The following STARD10 variants were observed in gnomAD, a reference collection of about 807,000 sequenced individuals.
STARD10 encodes START domain-containing protein 10.
Under a neutral mutation model 36.0 loss-of-function variants are expected in STARD10, and 24 were observed. The ratio of observed to expected loss-of-function variants is 0.67; its 90% CI spans 0.48 to 0.94. The LOEUF is 0.94. STARD10 is among the 40% of genes least tolerant of loss of function. STARD10 has a pLI of 0.00. For synonymous variants in STARD10, 156 were observed against 161.9 expected (o/e 0.96, Z 0.28); for missense variants, 335 against 396.6 (o/e 0.84, Z 1.32).
Position 72,754,837 on chromosome 11 carries a change from G to A in STARD10, c.*60C>T. On this transcript the variant is annotated 3_prime_UTR_variant, in exon 7 of 7. Transcript: ENST00000334805. ...GGGTGGGGGAGGGGAGAAAGTGCAG[G>A]AGCGGCCGCCGCCCCAGGGCTCGCC... The A allele has an allele frequency of 6.4e-7, 1 of 1,553,976 alleles. No individual in the cohort carries two copies. Among genetic ancestry groups the A allele is most frequent in the African/African-American group, 1.4e-5 (1 of 72,940 alleles).
At chr11:72,760,884 G>A (rs926106452) in intron 2 of STARD10, among the ~76,000 whole-genome samples, 2 of 151,714 alleles carry the variant, frequency 1.3e-5, no homozygotes, top group African/African-American at 4.8e-5. Context: ...AAATGGACAA[G>A]TTTTCTTGTG....
At chr11:72,774,593 A>C (rs1342974059) in intron 2 of STARD10, among the ~76,000 whole-genome samples, 3 of 152,262 alleles carry the variant, frequency 2.0e-5, no homozygotes, top group Non-Finnish European at 4.4e-5. Flanking sequence ...CCCAACACGT[A>C]GTCTGAGCTG....
intron 1 of STARD10, among the ~76,000 whole-genome samples, chr11:72,789,841 C>T (rs1859118719): frequency 1.3e-5 from 2 of 152,190 alleles, no homozygotes; most frequent in Admixed American, 1.3e-4. Context: ...TGCTCCCTGC[C>T]GTGAGTCCCT....
At chr11:72,780,858 ACT>A in intron 2 of STARD10, 115 bp downstream of exon 2, 1 of 1,095,656 alleles carries the variant, frequency 9.1e-7, no homozygotes. Flanking sequence ...CTGGAAGGAG[ACT>A]CTCTCTGGGC....
At chr11:72,761,717 C>T (rs2135611521) in intron 2 of STARD10, among the ~76,000 whole-genome samples, 1 of 151,796 alleles carries the variant, frequency 6.6e-6, no homozygotes, top group Non-Finnish European at 1.5e-5. Context: ...GTGCTCCAGC[C>T]TGGGTGACAG....
At chr11:72,770,575 G>A (rs1009036946) in intron 2 of STARD10, among the ~76,000 whole-genome samples, 2 of 152,070 alleles carry the variant, frequency 1.3e-5, no homozygotes, top group African/African-American at 4.8e-5. Flanking sequence ...CTTACTCCCT[G>A]GACCTGAAAG....
chr11:72,783,772 A>T (rs1859035552), intron 1 of STARD10, among the ~76,000 whole-genome samples: 1 of 152,072 alleles, frequency 6.6e-6, no homozygotes, highest in South Asian at 2.1e-4. Flanking sequence ...CATACCCACC[A>T]TCCAGTCCAG....
chr11:72,775,170 T>G (rs1022637598), intron 2 of STARD10, among the ~76,000 whole-genome samples: 2 of 152,146 alleles, frequency 1.3e-5, no homozygotes, highest in Non-Finnish European at 2.9e-5. Flanking sequence ...TGCACAACAC[T>G]TCACAGTGCG....
chr11:72,758,507 G>T, intron 4 of STARD10, 23 bp downstream of exon 4: 1 of 1,594,576 alleles, frequency 6.3e-7, no homozygotes, highest in African/African-American at 1.3e-5. Context: ...CTGCTCCACC[G>T]CAGGGAAGGC....
At chr11:72,773,044 G>T (rs1591267989) in intron 2 of STARD10, among the ~76,000 whole-genome samples, 1 of 152,242 alleles carries the variant, frequency 6.6e-6, no homozygotes, top group South Asian at 2.1e-4. Flanking sequence ...TCTCCAGGTG[G>T]CTGGCAGGAT....
chr11:72,768,384 T>C (rs933884876), intron 2 of STARD10, among the ~76,000 whole-genome samples: 24 of 152,178 alleles, frequency 1.6e-4, no homozygotes, highest in African/African-American at 5.3e-4. Context: ...CACCTGCCTC[T>C]TGCCTCTGGG....
intron 2 of STARD10, among the ~76,000 whole-genome samples, chr11:72,768,661 C>A (rs924506631): frequency 1.3e-5 from 2 of 152,250 alleles, no homozygotes; most frequent in African/African-American, 4.8e-5. Flanking sequence ...GACTGGCTGC[C>A]CCCTGTCCAG....
chr11:72,773,607 G>A (rs992061860), intron 2 of STARD10, among the ~76,000 whole-genome samples: 7 of 152,166 alleles, frequency 4.6e-5, no homozygotes, highest in African/African-American at 1.7e-4. Context: ...CTGTCCCGGG[G>A]CTGTCACGTG....
chr11:72,775,621 C>G (rs555655470), intron 2 of STARD10, among the ~76,000 whole-genome samples: 24 of 152,280 alleles, frequency 1.6e-4, no homozygotes, highest in Non-Finnish European at 3.1e-4. Context: ...TCCCTGACCC[C>G]CAAGGCTGAT....
At position 72,781,148 on chromosome 11, in the gene STARD10, C is replaced by A. The variant is rs767515766; in HGVS notation, c.34G>T (p.Gly12Trp). Residue 12 changes from glycine to tryptophan, a missense_variant, in exon 2 of 7, where the codon GGG becomes TGG. Gly to Trp is a radical substitution (Grantham distance 184). Coordinates refer to ENST00000334805, the MANE Select transcript of STARD10 (RefSeq NM_006645.3). The surrounding 1 kb of genome is among the most constrained non-coding windows in gnomAD (Gnocchi z 4.7). ...TCACGGCCCAGGACCGGCCGAGGCC[C>A]TTGGGGCTCTGTAGAGGCCGCCAGC... ...EKLAASTEPQ[G>W]PRPVLGRESV... 13 of 1,612,550 alleles carry A rather than the reference C, an allele frequency of 8.1e-6. No individual in the cohort carries two copies. The highest frequency in any genetic ancestry group is 1.3e-5 in the African/African-American group (1 of 74,938).
chr11:72,789,975 T>G (rs1859121089), intron 1 of STARD10, among the ~76,000 whole-genome samples: 1 of 152,158 alleles, frequency 6.6e-6, no homozygotes, highest in African/African-American at 2.4e-5. Context: ...GCTCCCCTCC[T>G]CCAGGAATGT....
chr11:72,761,070 A>C (rs1260615949), intron 2 of STARD10, among the ~76,000 whole-genome samples: 1 of 152,142 alleles, frequency 6.6e-6, no homozygotes, highest in East Asian at 1.9e-4. Context: ...TGCCGCAGGA[A>C]GGACACACCG....
Position 72,757,897 on chromosome 11 carries a change from G to C in STARD10, c.460-13C>G, listed in dbSNP as rs1236365041. 6.2e-7 allele frequency: 1 copy of C among 1,612,506 alleles called. No homozygotes were observed. Among genetic ancestry groups the C allele is most frequent in the Non-Finnish European group, 8.5e-7 (1 of 1,178,602 alleles). On this transcript the variant is annotated splice_polypyrimidine_tract_variant and intron_variant, in intron 4 of 6. Coordinates refer to ENST00000334805, the MANE Select transcript of STARD10 (RefSeq NM_006645.3). ...GAGGTGGGTATTTCTGGGGATGGAA[G>C]GCACAGGGAGGTGAGACTCGGGGTG...
At chr11:72,773,960 G>A (rs974451985) in intron 2 of STARD10, among the ~76,000 whole-genome samples, 3 of 152,208 alleles carry the variant, frequency 2.0e-5, no homozygotes, top group Non-Finnish European at 4.4e-5. Context: ...ATGAATGAAT[G>A]CATGCATGTA....
Sources: gnomAD v4.1 joint callset for allele counts (sites outside exome capture counted in the v4.1 genomes callset) on GRCh38, gnomAD v4.1.1 for gene constraint, Gnocchi (gnomAD v3.1) non-coding constraint, MANE v1.5 for transcripts, NCBI Gene and HGNC (gene_info 2026-07-23, HGNC 2026-07-21) for gene names.